The following EFCAB8 variants were observed in gnomAD, a reference collection of about 807,000 sequenced individuals.
The protein encoded by EFCAB8 is EF-hand calcium-binding domain-containing protein 8.
In EFCAB8, 100 loss-of-function variants were observed where a neutral mutation model predicts 116.3. The observed-to-expected ratio is 0.86, with a 90% CI of 0.73 to 1.02. The LOEUF (loss-of-function observed/expected upper bound fraction) is 1.02, where lower values mean the gene tolerates loss of function less well. EFCAB8 is among the 50% of genes least tolerant of loss of function. The pLI is 0.00. For synonymous variants in EFCAB8, 558 were observed against 567.9 expected (o/e 0.98, Z 0.25); for missense variants, 1,320 against 1,416.9 (o/e 0.93, Z 1.10).
In EFCAB8 at chr20:32,917,379, G is replaced by C; in HGVS notation, c.1935G>C (p.Lys645Asn). The C allele has an allele frequency of 6.4e-7, 1 of 1,551,872 alleles. No homozygotes were observed. Among genetic ancestry groups the C allele is most frequent in the Admixed American group, 2.0e-5 (1 of 51,004 alleles). ...CGGAGGACATCCTGAGCATGGCCAA[G>C]TACCGGAACCAGTTCCTTGGGACCT... is the stretch of plus-strand genomic sequence containing the variant. The part of the protein sequence containing the change: ...YHTEDILSMA[K>N]YRNQFLGTSS... Residue 645 changes from lysine (K) to asparagine (N), a missense_variant, in exon 18 of 27, where the codon AAG (lysine) becomes AAC (asparagine). Coordinates refer to ENST00000400522, the MANE Select transcript of EFCAB8 (RefSeq NM_001143967.2).
chr20:32,869,160 C>T (rs558188583), intron 3 of EFCAB8, among the ~76,000 whole-genome samples: 5 of 152,152 alleles, frequency 3.3e-5, no homozygotes, highest in Admixed American at 2.6e-4. Context: ...TTCCTGGCCA[C>T]GCAGGATTCA....
chr20:32,874,940 G>A (rs747823272), intron 3 of EFCAB8, among the ~76,000 whole-genome samples: 39 of 152,154 alleles, frequency 2.6e-4, no homozygotes, highest in Admixed American at 3.9e-4. Context: ...GTAGAGGCAG[G>A]GTTTTGCCAT....
Position 32,892,239 on chromosome 20 carries a change from T to C in EFCAB8, c.700T>C (p.Cys234Arg). 1.3e-6 allele frequency: 2 copies of C among 1,551,710 alleles called. No individual in the cohort carries two copies. Among genetic ancestry groups the C allele is most frequent in the Non-Finnish European group, 1.7e-6 (2 of 1,146,994 alleles). Residue 234 changes from cysteine (C) to arginine (R), a missense_variant, in exon 8 of 27, where the codon TGT becomes CGT. Transcript: ENST00000400522. ...IDFFDISDHK[C>R]VRAFTFVDLD... ...TTTCTTTGATATTAGTGACCACAAA[T>C]GTGTCCGGGCCTTCACCTTTGTTGA...
At chr20:32,889,025 C>G (rs969663292) in intron 6 of EFCAB8, among the ~76,000 whole-genome samples, 2 of 152,052 alleles carry the variant, frequency 1.3e-5, no homozygotes, top group Non-Finnish European at 2.9e-5. Context: ...GTGTTCACGG[C>G]TCACTGCGGC....
intron 11 of EFCAB8, among the ~76,000 whole-genome samples, chr20:32,905,796 T>A (rs1986648533): frequency 7.1e-6 from 1 of 140,536 alleles, no homozygotes. Flanking sequence ...CCCCTAGGTA[T>A]AGGTATAGAG....
chr20:32,885,264 G>T (rs1445863295), intron 5 of EFCAB8, among the ~76,000 whole-genome samples: 2 of 152,228 alleles, frequency 1.3e-5, no homozygotes, highest in Non-Finnish European at 2.9e-5. Flanking sequence ...CTCACTTCTG[G>T]AGCCCCGCCT....
chr20:32,907,092 C>T, intron 13 of EFCAB8, 98 bp downstream of exon 13: 1 of 1,435,778 alleles, frequency 7.0e-7, no homozygotes, highest in Non-Finnish European at 9.1e-7. Flanking sequence ...CCACATCTGG[C>T]CAAAGGCCTA....
At chr20:32,928,519 G>A (rs542171303) in intron 20 of EFCAB8, among the ~76,000 whole-genome samples, 1 of 152,276 alleles carries the variant, frequency 6.6e-6, no homozygotes, top group East Asian at 1.9e-4. Flanking sequence ...ACAGGCATGA[G>A]CCACCGCACC....
intron 22 of EFCAB8, 161 bp downstream of exon 22, chr20:32,931,497 G>T (rs958541588): frequency 1.7e-6 from 1 of 575,626 alleles, no homozygotes; most frequent in Non-Finnish European, 2.2e-6. Context: ...GGTGGCCCAC[G>T]CCTGTAATCC....
At chr20:32,949,184 G>T (rs1167663585) in intron 23 of EFCAB8, among the ~76,000 whole-genome samples, 2 of 152,072 alleles carry the variant, frequency 1.3e-5, no homozygotes, top group African/African-American at 4.8e-5. Flanking sequence ...GCAATGAACA[G>T]CCAGAAATTG....
chr20:32,859,445 C>A (rs931754235), intron 1 of EFCAB8, among the ~76,000 whole-genome samples: 4 of 152,164 alleles, frequency 2.6e-5, no homozygotes, highest in Non-Finnish European at 5.9e-5. Context: ...TCCCCTCTTG[C>A]TTTTGCCCTT....
In EFCAB8 at chr20:32,960,102, C is replaced by G; in HGVS notation, c.3334C>G (p.Arg1112Gly). The change falls in exon 26 of 27, where the codon CGC becomes GGC. Residue 1112 changes from arginine (R) to glycine (G), a missense_variant. Physicochemically the swap from Arg to Gly is moderately radical, Grantham distance 125. Transcript: ENST00000400522. ...VLGAAYKPKE[R>G]LQNTRFLSTR... ...GGGAGCGGCGTATAAGCCCAAGGAA[C>G]GCTTGCAGAATACCAGGTTCCTGTC... 1.3e-6 allele frequency: 2 copies of G among 1,551,728 alleles called. No individual in the cohort carries two copies. The highest frequency in any genetic ancestry group is 1.7e-6 in the Non-Finnish European group (2 of 1,146,998).
chr20:32,860,616 C>T (rs1750283078), intron 1 of EFCAB8, among the ~76,000 whole-genome samples: 2 of 148,712 alleles, frequency 1.3e-5, no homozygotes, highest in South Asian at 2.1e-4. Context: ...AAGCGATTCT[C>T]GTGCCTCAGT....
intron 1 of EFCAB8, among the ~76,000 whole-genome samples, chr20:32,860,096 C>T (rs1600348303): frequency 6.6e-6 from 1 of 152,226 alleles, no homozygotes; most frequent in Non-Finnish European, 1.5e-5. Context: ...CACTTGAGGC[C>T]AAGGAGTTTG....
At chr20:32,887,546 G>T (rs1399684169) in intron 6 of EFCAB8, among the ~76,000 whole-genome samples, 2 of 152,266 alleles carry the variant, frequency 1.3e-5, no homozygotes, top group African/African-American at 4.8e-5. Flanking sequence ...CTGTGCTCTA[G>T]CCTGGGCGAC....
chr20:32,874,995 C>T (rs955573871), intron 3 of EFCAB8, among the ~76,000 whole-genome samples: 2 of 151,866 alleles, frequency 1.3e-5, no homozygotes, highest in Admixed American at 6.5e-5. Flanking sequence ...GTGATCTTCC[C>T]GCCTCTGCCT....
chr20:32,887,925 T>C (rs1376754637), intron 6 of EFCAB8, among the ~76,000 whole-genome samples: 1 of 152,172 alleles, frequency 6.6e-6, no homozygotes, highest in Non-Finnish European at 1.5e-5. Flanking sequence ...AGATGGAAAA[T>C]AGGATTCAGA....
chr20:32,959,927 G>T lies in EFCAB8; in HGVS notation c.3239G>T (p.Arg1080Leu). ...MALMSPWAGERPLEDIEDSWN... is the reference protein window; with the variant it reads ...MALMSPWAGELPLEDIEDSWN... Reference sequence around the variant, plus strand: ...CTGATGTCCCCGTGGGCCGGAGAGCGCCCCCTGGAAGACATTGAGGACAGC... The same window carrying T: ...CTGATGTCCCCGTGGGCCGGAGAGCTCCCCCTGGAAGACATTGAGGACAGC... Residue 1080 changes from arginine (R) to leucine (L), a missense_variant, in exon 25 of 27, where the codon CGC becomes CTC. Transcript: ENST00000400522. 6.4e-7 allele frequency: 1 copy of T among 1,551,600 alleles called. No individual in the cohort carries two copies. Among genetic ancestry groups the T allele is most frequent in the Non-Finnish European group, 8.7e-7 (1 of 1,146,964 alleles).
At chr20:32,957,813 T>G (rs1989019347) in intron 23 of EFCAB8, among the ~76,000 whole-genome samples, 1 of 152,000 alleles carries the variant, frequency 6.6e-6, no homozygotes, top group South Asian at 2.1e-4. Flanking sequence ...CTCCCAGCTC[T>G]TCTTGGAAAG....
Sources: gnomAD v4.1 joint callset for allele counts (sites outside exome capture counted in the v4.1 genomes callset) on GRCh38, gnomAD v4.1.1 for gene constraint, MANE v1.5 for transcripts, NCBI Gene and HGNC (gene_info 2026-07-23, HGNC 2026-07-21) for gene names.